Variants in RIN2 observed in about 807,000 individuals in gnomAD.
RIN2 encodes the protein RAB5 interacting protein 2.
In RIN2, 36 loss-of-function variants were observed where a neutral mutation model predicts 78.0. The ratio of observed to expected loss-of-function variants is 0.46; its 90% CI spans 0.35 to 0.61. RIN2 has a LOEUF of 0.61. RIN2 is among the 20% of genes least tolerant of loss of function. RIN2 has a pLI of 0.00. For missense variants in RIN2, 1,087 were observed against 1,159.7 expected, an observed-to-expected ratio of 0.94 and a Z score of 0.91; for synonymous variants, 466 against 466.8, an observed-to-expected ratio of 1.00 and a Z score of 0.02.
chr20:19,824,623 C>T (rs1451591547), intron 2 of RIN2, among the ~76,000 whole-genome samples: 2 of 152,100 alleles, frequency 1.3e-5, no homozygotes, highest in Non-Finnish European at 2.9e-5. Flanking sequence ...CCCCTGAGAC[C>T]TGGATCCTCC....
At chr20:19,759,729 A>G (rs373619901) in intron 1 of RIN2, among the ~76,000 whole-genome samples, 1 of 152,228 alleles carries the variant, frequency 6.6e-6, no homozygotes. Flanking sequence ...GCTGGGCCTG[A>G]AGGCATGTGC....
At chr20:19,900,945 CAAAAAAA>C (rs869239642) in intron 3 of RIN2, among the ~76,000 whole-genome samples, 17 of 29,594 alleles carry the variant, frequency 5.7e-4, no homozygotes, top group Middle Eastern at 0.042. Flanking sequence ...AGCTCTGTCT[CAAAAAAA>C]AAAAAAAAAA....
intron 2 of RIN2, among the ~76,000 whole-genome samples, chr20:19,806,449 A>G (rs1388473607): frequency 6.6e-6 from 1 of 152,220 alleles, no homozygotes. Context: ...AAAAGCAACG[A>G]TGAACATCAT....
At chr20:19,835,480 A>G (rs913046156) in intron 2 of RIN2, among the ~76,000 whole-genome samples, 9 of 152,252 alleles carry the variant, frequency 5.9e-5, no homozygotes, top group Non-Finnish European at 8.8e-5. Flanking sequence ...ATCAGATAAA[A>G]AAGGACATAA....
chr20:19,767,124 C>T (rs2033919199), intron 1 of RIN2, among the ~76,000 whole-genome samples: 1 of 152,012 alleles, frequency 6.6e-6, no homozygotes, highest in Non-Finnish European at 1.5e-5. Context: ...GAATGAAGAC[C>T]CAAAATACAG....
At chr20:19,885,158 A>G (rs140278492) in intron 2 of RIN2, among the ~76,000 whole-genome samples, 19 of 152,314 alleles carry the variant, frequency 1.2e-4, no homozygotes, top group African/African-American at 4.6e-4. Flanking sequence ...GTGGAATCCA[A>G]TATAATTGCT....
chr20:19,858,974 A>G (rs2123261095), intron 2 of RIN2, among the ~76,000 whole-genome samples: 1 of 152,332 alleles, frequency 6.6e-6, no homozygotes, highest in East Asian at 1.9e-4. Flanking sequence ...TTCTTAAAGT[A>G]GCTTCAGATT....
At chr20:19,936,156 C>T (rs2040634550) in intron 4 of RIN2, among the ~76,000 whole-genome samples, 1 of 152,172 alleles carries the variant, frequency 6.6e-6, no homozygotes, top group Non-Finnish European at 1.5e-5. Flanking sequence ...CTTTGATACC[C>T]GATGTCTCTG....
chr20:19,864,327 T>C (rs901142047), intron 2 of RIN2, among the ~76,000 whole-genome samples: 2 of 152,218 alleles, frequency 1.3e-5, no homozygotes, highest in African/African-American at 4.8e-5. Context: ...ACAAGCTTTT[T>C]GGCAAAACAT....
Position 20,001,649 on chromosome 20 carries a change from G to A in RIN2, c.*713G>A, listed in dbSNP as rs2043146557. 6.6e-6 allele frequency: 1 copy of A among 152,536 alleles called. No homozygotes were observed. Among genetic ancestry groups the A allele is most frequent in the African/African-American group, 2.4e-5 (1 of 41,416 alleles). The allele number at this position is 152,536 out of a possible 1,614,324, so 9.4% of individuals were successfully genotyped here. ...GGATTTCTTAAAGCAACGTATTCCT[G>A]ACACTGGCCACAGAATGCCTTTGGA... On this transcript the variant is annotated 3_prime_UTR_variant, in exon 13 of 13. Transcript: ENST00000255006.
intron 2 of RIN2, among the ~76,000 whole-genome samples, chr20:19,869,982 C>T (rs931287469): frequency 1.3e-5 from 2 of 151,996 alleles, no homozygotes; most frequent in African/African-American, 2.4e-5. Flanking sequence ...CTTCCAGAAC[C>T]GTGGCAAGAA....
intron 2 of RIN2, among the ~76,000 whole-genome samples, chr20:19,835,089 A>C (rs199728917): frequency 1.9e-5 from 2 of 102,862 alleles, no homozygotes; most frequent in Admixed American, 1.9e-4. Flanking sequence ...AAGAAAGAGA[A>C]AAAGAAAGAA....
At chr20:19,886,099 C>T (rs896431491) in intron 2 of RIN2, among the ~76,000 whole-genome samples, 15 of 152,180 alleles carry the variant, frequency 9.9e-5, no homozygotes, top group Admixed American at 6.5e-5. Flanking sequence ...GCCTGTGGCC[C>T]GGCGCAGCAA....
At chr20:19,854,549 G>A (rs1293966647) in intron 2 of RIN2, among the ~76,000 whole-genome samples, 3 of 152,114 alleles carry the variant, frequency 2.0e-5, no homozygotes, top group Non-Finnish European at 2.9e-5. Context: ...GTCCTCTTTT[G>A]TTTCGTTGAG....
chr20:19,998,790 CT>C (rs1337746051), intron 12 of RIN2, among the ~76,000 whole-genome samples: 1 of 152,182 alleles, frequency 6.6e-6, no homozygotes, highest in Non-Finnish European at 1.5e-5. Flanking sequence ...CACTCAGTGC[CT>C]GCAGACCCCT....
At chr20:19,891,347 A>T (rs2038451683) in intron 3 of RIN2, among the ~76,000 whole-genome samples, 2 of 152,168 alleles carry the variant, frequency 1.3e-5, no homozygotes, top group Admixed American at 1.3e-4. Flanking sequence ...GTTGCATCTG[A>T]TGCTGAGATA....
At chr20:19,914,024 A>G (rs1030071374) in intron 3 of RIN2, among the ~76,000 whole-genome samples, 4 of 152,186 alleles carry the variant, frequency 2.6e-5, no homozygotes, top group Admixed American at 1.3e-4. Context: ...GTGCGTGTGA[A>G]GTTGAATCTG....
At chr20:19,947,767 G>T (rs2041152406) in intron 4 of RIN2, among the ~76,000 whole-genome samples, 1 of 152,258 alleles carries the variant, frequency 6.6e-6, no homozygotes, top group Admixed American at 6.5e-5. Flanking sequence ...GGCCAGAAAG[G>T]TGAGACTTGC....
intron 9 of RIN2, among the ~76,000 whole-genome samples, chr20:19,986,712 G>A (rs893729231): frequency 2.0e-5 from 3 of 152,176 alleles, no homozygotes; most frequent in African/African-American, 7.2e-5. Flanking sequence ...AGAGGTGACC[G>A]GGCTCACTCT....
Sources: gnomAD v4.1 joint callset for allele counts (sites outside exome capture counted in the v4.1 genomes callset) on GRCh38, gnomAD v4.1.1 for gene constraint, MANE v1.5 for transcripts, NCBI Gene and HGNC (gene_info 2026-07-23, HGNC 2026-07-21) for gene names.